CSMD3: variants seen among roughly 807,000 people sequenced by gnomAD.
The protein encoded by CSMD3 is CUB and sushi domain-containing protein 3.
In CSMD3, 177 loss-of-function variants were observed where a neutral mutation model predicts 435.2. The observed-to-expected ratio is 0.41, with a 90% CI of 0.36 to 0.46. The LOEUF (loss-of-function observed/expected upper bound fraction) is 0.46. CSMD3 is among the 20% of genes least tolerant of loss of function. The pLI is 0.34. For missense variants in CSMD3, 4,265 were observed against 4,504.6 expected, an observed-to-expected ratio of 0.95 and a Z score of 1.52; for synonymous variants, 1,656 against 1,520.5, an observed-to-expected ratio of 1.09 and a Z score of -2.07.
intron 5 of CSMD3, among the ~76,000 whole-genome samples, chr8:113,045,854 T>C (rs1199933183): frequency 6.7e-6 from 1 of 149,488 alleles, no homozygotes; most frequent in Non-Finnish European, 1.5e-5. Flanking sequence ...TTCTAAATAC[T>C]AAGTTTTTTT....
intron 11 of CSMD3, among the ~76,000 whole-genome samples, chr8:112,835,143 T>TA (rs1186363039): frequency 5.3e-5 from 8 of 151,964 alleles, no homozygotes; most frequent in South Asian, 4.1e-4. Flanking sequence ...TTTCCAGAAG[T>TA]AAAAAATCCA....
intron 32 of CSMD3, among the ~76,000 whole-genome samples, chr8:112,447,795 T>G (rs1223116730): frequency 6.6e-6 from 1 of 152,194 alleles, no homozygotes; most frequent in East Asian, 1.9e-4. Context: ...TACTAAGGTG[T>G]TAATAAATTG....
chr8:112,741,789 G>C (rs1397700107), intron 13 of CSMD3, among the ~76,000 whole-genome samples: 2 of 103,364 alleles, frequency 1.9e-5, no homozygotes, highest in East Asian at 2.7e-4. Context: ...TAGATAGATA[G>C]AGAGAAGATA....
intron 45 of CSMD3, among the ~76,000 whole-genome samples, chr8:112,320,433 C>T (rs1822884561): frequency 6.6e-6 from 1 of 152,074 alleles, no homozygotes; most frequent in African/African-American, 2.4e-5. Flanking sequence ...ATACTTAACT[C>T]AATCCTCACA....
rs572088420 is a variant in CSMD3 at position 112,462,901 on chromosome 8, C to T, written c.5395+9690G>A. On this transcript the variant is annotated intron_variant, in intron 32 of 70. Transcript: ENST00000297405. ...GTACACAGAAACTCTCACCCCACTG[C>T]TACTCCATAATCACAATAAAACTCC... Among the ~76,000 whole-genome samples, 5 of 152,266 alleles carry T rather than the reference C, an allele frequency of 3.3e-5. No homozygotes were observed. In the South Asian group the frequency reaches 1.0e-3, roughly 32 times the overall value.
At chr8:112,916,472 C>T (rs866429452) in intron 10 of CSMD3, among the ~76,000 whole-genome samples, 1 of 151,296 alleles carries the variant, frequency 6.6e-6, no homozygotes, top group African/African-American at 2.4e-5. Flanking sequence ...GAAAAAAAAA[C>T]CACTAAGAAA....
chr8:112,594,607 T>A (rs1199920337), intron 22 of CSMD3, among the ~76,000 whole-genome samples: 1 of 152,130 alleles, frequency 6.6e-6, no homozygotes, highest in Non-Finnish European at 1.5e-5. Flanking sequence ...CAGACTTAAA[T>A]GTCCCCGTCT....
At chr8:112,325,261 A>C in intron 45 of CSMD3, among the ~76,000 whole-genome samples, 1 of 152,128 alleles carries the variant, frequency 6.6e-6, no homozygotes, top group Admixed American at 6.6e-5. Context: ...TGAGAGCTTA[A>C]CATTTGATAA....
chr8:112,463,966 G>A (rs1817695762), intron 32 of CSMD3, among the ~76,000 whole-genome samples: 2 of 152,150 alleles, frequency 1.3e-5, no homozygotes, highest in South Asian at 4.1e-4. Flanking sequence ...GCTGGGCGAG[G>A]TGGCTCATGC....
chr8:112,472,751 A>T (rs755824150), intron 31 of CSMD3, 44 bp from the exon 32 acceptor site: 4 of 1,012,950 alleles, frequency 3.9e-6, no homozygotes, highest in Non-Finnish European at 6.3e-6. Context: ...AAAAAGTTTT[A>T]AAAAATTCAT....
At chr8:112,517,589 GCAAT>G (rs1195480392) in intron 27 of CSMD3, among the ~76,000 whole-genome samples, 4 of 151,856 alleles carry the variant, frequency 2.6e-5, no homozygotes, top group Non-Finnish European at 5.9e-5. Flanking sequence ...AAGAAAATTA[GCAAT>G]CAATCCAGTT....
chr8:112,581,615 C>T (rs566654116), intron 23 of CSMD3, among the ~76,000 whole-genome samples: 1 of 152,020 alleles, frequency 6.6e-6, no homozygotes, highest in Non-Finnish European at 1.5e-5. Context: ...TAAATTTGTC[C>T]TTTCTAGAAG....
intron 13 of CSMD3, among the ~76,000 whole-genome samples, chr8:112,778,420 A>C (rs561290513): frequency 2.0e-5 from 3 of 152,012 alleles, no homozygotes; most frequent in African/African-American, 7.2e-5. Flanking sequence ...TTATTGTCTC[A>C]ATTGCCTTTT....
intron 31 of CSMD3, among the ~76,000 whole-genome samples, chr8:112,479,769 T>C (rs1317499402): frequency 6.6e-6 from 1 of 152,170 alleles, no homozygotes; most frequent in Non-Finnish European, 1.5e-5. Context: ...AGAGAATGTA[T>C]AGAAAATCCC....
intron 11 of CSMD3, among the ~76,000 whole-genome samples, chr8:112,851,040 T>A (rs1438300475): frequency 6.6e-6 from 1 of 152,240 alleles, no homozygotes; most frequent in Non-Finnish European, 1.5e-5. Context: ...TAGTTATTAC[T>A]TTTGTTTTTA....
intron 31 of CSMD3, among the ~76,000 whole-genome samples, chr8:112,474,328 T>C (rs1307599622): frequency 1.3e-5 from 2 of 151,992 alleles, no homozygotes; most frequent in Non-Finnish European, 2.9e-5. Context: ...GGAGGCTAGA[T>C]TATAGATGGA....
chr8:113,128,016 G>A (rs2091184309), intron 4 of CSMD3, among the ~76,000 whole-genome samples: 1 of 152,040 alleles, frequency 6.6e-6, no homozygotes, highest in African/African-American at 2.4e-5. Flanking sequence ...ATCTTTTAGA[G>A]TTCAGTTTAA....
chr8:112,537,279 A>G (rs1479688348), intron 27 of CSMD3, among the ~76,000 whole-genome samples: 1 of 151,960 alleles, frequency 6.6e-6, no homozygotes, highest in Non-Finnish European at 1.5e-5. Flanking sequence ...AGCAGGAAAC[A>G]CCTATACAAA....
At chr8:113,214,000 A>G (rs944421383) in intron 3 of CSMD3, among the ~76,000 whole-genome samples, 2 of 152,076 alleles carry the variant, frequency 1.3e-5, no homozygotes, top group Non-Finnish European at 2.9e-5. Context: ...CAAGCATACA[A>G]GGAAATCTAA....
Sources: allele counts gnomAD v4.1 joint callset (sites outside exome capture counted in the v4.1 genomes callset), GRCh38; gene constraint gnomAD v4.1.1; transcripts MANE v1.5; gene names NCBI Gene and HGNC (gene_info 2026-07-23, HGNC 2026-07-21).